Variants in TPD52 observed in about 807,000 individuals in gnomAD.
TPD52 encodes tumor protein D52.
A neutral mutation model predicts 31.3 loss-of-function variants in TPD52; 17 were observed. That is an observed-to-expected ratio of 0.54 (90% CI 0.37 to 0.82). The LOEUF is 0.82. TPD52 is among the 40% of genes least tolerant of loss of function. The pLI is 0.00. For synonymous variants in TPD52, 83 were observed against 89.6 expected (o/e 0.93, Z 0.42); for missense variants, 212 against 240.1 (o/e 0.88, Z 0.77).
chr8:80,036,319 G>T lies in TPD52; in HGVS notation c.*1797C>A, dbSNP rs1422266724. The T allele has an allele frequency of 6.6e-6, 1 of 152,576 alleles. No individual in the cohort carries two copies. The highest frequency in any genetic ancestry group is 1.5e-5 in the Non-Finnish European group (1 of 68,028). The allele number at this position is 152,576 out of a possible 1,614,324, so 9.5% of individuals were successfully genotyped here. ...GAATATGTTTGAATTTTAAGAAGTA[G>T]ACTAGTTCATAGAAAAAATAATTTA... On this transcript the variant is annotated 3_prime_UTR_variant, in exon 8 of 8. Coordinates refer to ENST00000518937, the MANE Select transcript of TPD52 (RefSeq NM_001025253.3).
At chr8:80,116,087 A>G (rs1241909677) in intron 1 of TPD52, among the ~76,000 whole-genome samples, 1 of 152,158 alleles carries the variant, frequency 6.6e-6, no homozygotes, top group Non-Finnish European at 1.5e-5. Flanking sequence ...TATCCCTTTG[A>G]CCTAACAAAT....
chr8:80,070,704 C>T (rs879775605), intron 1 of TPD52, among the ~76,000 whole-genome samples: 1 of 152,098 alleles, frequency 6.6e-6, no homozygotes, highest in Admixed American at 6.6e-5. Flanking sequence ...TGGTTTAAGT[C>T]AAATGCTTCA....
chr8:80,047,177 C>A (rs527958535), intron 5 of TPD52, among the ~76,000 whole-genome samples: 2 of 152,272 alleles, frequency 1.3e-5, no homozygotes, highest in African/African-American at 4.8e-5. Context: ...AGTGCAGGCT[C>A]CAGGACTAGG....
At chr8:80,072,326 T>TGTGTGTGTGTGTGA (rs1813914302) in intron 1 of TPD52, among the ~76,000 whole-genome samples, 1 of 148,974 alleles carries the variant, frequency 6.7e-6, no homozygotes, top group East Asian at 1.9e-4. Context: ...TATGTGTGTG[T>TGTGTGTGTGTGTGA]GTGTGTGTGT....
chr8:80,081,728 A>T (rs28575108), intron 1 of TPD52, among the ~76,000 whole-genome samples: 4 of 141,762 alleles, frequency 2.8e-5, no homozygotes, highest in East Asian at 2.2e-4. Context: ...TTTTTTTTTT[A>T]AATACAGAAT....
At chr8:80,115,389 A>G (rs1396464158) in intron 1 of TPD52, among the ~76,000 whole-genome samples, 2 of 152,244 alleles carry the variant, frequency 1.3e-5, no homozygotes. Context: ...AGAAGCCACA[A>G]TGACCTACAG....
chr8:80,099,651 C>T (rs1806591678), intron 1 of TPD52, among the ~76,000 whole-genome samples: 2 of 151,916 alleles, frequency 1.3e-5, no homozygotes, highest in Non-Finnish European at 2.9e-5. Context: ...GCTGGGACTA[C>T]AGGAGCGTGA....
chr8:80,167,022 T>G (rs1811762707), intron 1 of TPD52, among the ~76,000 whole-genome samples: 1 of 152,236 alleles, frequency 6.6e-6, no homozygotes, highest in South Asian at 2.1e-4. Flanking sequence ...TTTTCTTTTT[T>G]CTCCATCAAT....
intron 1 of TPD52, among the ~76,000 whole-genome samples, chr8:80,142,676 T>A (rs1017618520): frequency 2.0e-5 from 3 of 152,154 alleles, no homozygotes; most frequent in Admixed American, 6.5e-5. Context: ...TACTCCACCC[T>A]GGGCAACGGA....
chr8:80,159,273 A>T (rs1811198151), intron 1 of TPD52, among the ~76,000 whole-genome samples: 1 of 152,198 alleles, frequency 6.6e-6, no homozygotes, highest in Middle Eastern at 3.2e-3. Context: ...CCAAATTTTG[A>T]ACCTCGATAT....
In TPD52 at chr8:80,171,385, T is replaced by TCCAAGCCCGAGC. The variant is rs758926735; in HGVS notation, c.19+28_19+39dup. Reference sequence around the variant, plus strand: ...GCCAAAGCCCGAGTCCAAGCCCGAGTCCAAGCCCGAGCCCAAGCCCGCTGG... The same window carrying TCCAAGCCCGAGC: ...GCCAAAGCCCGAGTCCAAGCCCGAGTCCAAGCCCGAGCCCAAGCCCGAGCCCAAGCCCGCTGG... On this transcript the variant is annotated intron_variant, in intron 1 of 7. Transcript: ENST00000518937. 60 of 1,077,764 alleles carry TCCAAGCCCGAGC rather than the reference T, an allele frequency of 5.6e-5. 1 individual carries two copies. Among genetic ancestry groups the TCCAAGCCCGAGC allele is most frequent in the South Asian group, 9.6e-5 (6 of 62,314 alleles). 66.8% of individuals were successfully genotyped at this position (1,077,764 alleles called of 1,614,324 possible).
chr8:80,075,557 A>G (rs1183119214), intron 1 of TPD52, among the ~76,000 whole-genome samples: 3 of 152,222 alleles, frequency 2.0e-5, no homozygotes, highest in African/African-American at 7.2e-5. Context: ...AGGTATTTCT[A>G]AATGGACCCT....
chr8:80,143,411 C>G (rs571426931), intron 1 of TPD52, among the ~76,000 whole-genome samples: 1 of 152,318 alleles, frequency 6.6e-6, no homozygotes, highest in African/African-American at 2.4e-5. Context: ...GATAGACTTA[C>G]GTATAACCCC....
chr8:80,157,068 G>A (rs949287502), intron 1 of TPD52, among the ~76,000 whole-genome samples: 3 of 152,180 alleles, frequency 2.0e-5, no homozygotes, highest in Non-Finnish European at 2.9e-5. Context: ...CTCCACTTTG[G>A]ATTGGAGGGA....
intron 1 of TPD52, among the ~76,000 whole-genome samples, chr8:80,166,242 G>A (rs553052072): frequency 6.6e-6 from 1 of 152,212 alleles, no homozygotes; most frequent in South Asian, 2.1e-4. Context: ...GAACCCAGGA[G>A]GTGGAGGTTG....
chr8:80,140,950 C>CGT (rs142097159), intron 1 of TPD52, among the ~76,000 whole-genome samples: 17,162 of 143,620 alleles, frequency 0.12, 1,028 homozygotes, highest in African/African-American at 0.16. Context: ...CAATACAACT[C>CGT]GTGTGTGTGT....
chr8:80,117,875 G>C (rs988191891), intron 1 of TPD52, among the ~76,000 whole-genome samples: 1 of 151,826 alleles, frequency 6.6e-6, no homozygotes, highest in Non-Finnish European at 1.5e-5. Context: ...TGGGACTACA[G>C]GCGCGTGCCA....
chr8:80,112,469 T>C (rs1366953073), intron 1 of TPD52, among the ~76,000 whole-genome samples: 2 of 152,150 alleles, frequency 1.3e-5, no homozygotes, highest in African/African-American at 2.4e-5. Flanking sequence ...GGCATCTCTA[T>C]GTTTAACTAG....
chr8:80,101,028 T>C (rs569927034), intron 1 of TPD52, among the ~76,000 whole-genome samples: 2 of 152,332 alleles, frequency 1.3e-5, no homozygotes, highest in African/African-American at 4.8e-5. Flanking sequence ...AGTGTTGCCA[T>C]ACCAAGTGTT....
Sources: gnomAD v4.1 joint callset for allele counts (sites outside exome capture counted in the v4.1 genomes callset) on GRCh38, gnomAD v4.1.1 for gene constraint, MANE v1.5 for transcripts, NCBI Gene and HGNC (gene_info 2026-07-23, HGNC 2026-07-21) for gene names.